The following CAMK2D variants were observed in gnomAD, a reference collection of about 807,000 sequenced individuals.
CAMK2D encodes calcium/calmodulin-dependent protein kinase type II subunit delta.
Under a neutral mutation model 84.0 loss-of-function variants are expected in CAMK2D, and 37 were observed. That is an observed-to-expected ratio of 0.44 (90% CI 0.34 to 0.58). The LOEUF (loss-of-function observed/expected upper bound fraction) is 0.58, where lower values mean the gene tolerates loss of function less well. Among genes scored for constraint, CAMK2D ranks in the 20% least tolerant of loss-of-function variants. CAMK2D has a pLI of 0.02. For missense variants in CAMK2D, 448 were observed against 652.5 expected (o/e 0.69, Z 3.41); for synonymous variants, 202 against 212.5 (o/e 0.95, Z 0.43).
chr4:113,565,399 C>A (rs953255888), intron 4 of CAMK2D, among the ~76,000 whole-genome samples: 1 of 152,106 alleles, frequency 6.6e-6, no homozygotes, highest in African/African-American at 2.4e-5. Flanking sequence ...GCCTGTAATC[C>A]CAGCACTTTG....
At chr4:113,508,106 T>C (rs1321149545) in intron 13 of CAMK2D, 4 of 652,240 alleles carry the variant, frequency 6.1e-6, no homozygotes, top group Non-Finnish European at 1.1e-5. Flanking sequence ...CGTGTTTTGA[T>C]AGTTGACTAA....
chr4:113,640,310 C>T (rs938121996), intron 3 of CAMK2D, among the ~76,000 whole-genome samples: 1 of 151,946 alleles, frequency 6.6e-6, no homozygotes, highest in Non-Finnish European at 1.5e-5. Context: ...GAATGAAATG[C>T]CCTGCGTAGA....
intron 20 of CAMK2D, among the ~76,000 whole-genome samples, chr4:113,455,097 A>G (rs1305089926): frequency 6.6e-6 from 1 of 152,238 alleles, no homozygotes; most frequent in African/African-American, 2.4e-5. Flanking sequence ...TATTCACAAC[A>G]GCACCATACA....
At chr4:113,580,217 T>G (rs1357820700) in intron 4 of CAMK2D, among the ~76,000 whole-genome samples, 1 of 152,242 alleles carries the variant, frequency 6.6e-6, no homozygotes, top group Non-Finnish European at 1.5e-5. Context: ...ACATGTTTGA[T>G]GTGCATGAAT....
At chr4:113,607,571 G>A (rs2154265568) in intron 4 of CAMK2D, among the ~76,000 whole-genome samples, 1 of 151,934 alleles carries the variant, frequency 6.6e-6, no homozygotes, top group African/African-American at 2.4e-5. Context: ...TCCTTCTCCT[G>A]GACAATGAGT....
At chr4:113,683,312 A>G (rs888354127) in intron 2 of CAMK2D, among the ~76,000 whole-genome samples, 2 of 152,190 alleles carry the variant, frequency 1.3e-5, no homozygotes, top group Admixed American at 6.5e-5. Context: ...CCTGCACAGG[A>G]AACTGTGACT....
At chr4:113,552,160 T>A (rs1473608297) in intron 4 of CAMK2D, 64 bp from the exon 5 acceptor site, 2 of 882,570 alleles carry the variant, frequency 2.3e-6, no homozygotes, top group Admixed American at 4.1e-5. Context: ...ATCAATAGAT[T>A]TGCAAATGTG....
intron 2 of CAMK2D, among the ~76,000 whole-genome samples, chr4:113,712,275 T>G (rs1332521293): frequency 1.3e-5 from 2 of 152,136 alleles, no homozygotes; most frequent in Non-Finnish European, 2.9e-5. Flanking sequence ...CAAAAATGTG[T>G]CCAAGAATGA....
intron 2 of CAMK2D, among the ~76,000 whole-genome samples, chr4:113,757,822 C>T (rs2099631975): frequency 6.6e-6 from 1 of 151,956 alleles, no homozygotes; most frequent in African/African-American, 2.4e-5. Context: ...TGTATGTGAC[C>T]AGGGATAAGT....
At chr4:113,585,060 C>T (rs1170257559) in intron 4 of CAMK2D, among the ~76,000 whole-genome samples, 1 of 152,126 alleles carries the variant, frequency 6.6e-6, no homozygotes, top group Non-Finnish European at 1.5e-5. Context: ...TAACTAGAGA[C>T]TTCTCAGCTT....
intron 3 of CAMK2D, among the ~76,000 whole-genome samples, chr4:113,649,512 A>G (rs1287016414): frequency 1.3e-5 from 2 of 152,294 alleles, no homozygotes; most frequent in African/African-American, 4.8e-5. Context: ...CTTCAGTCCA[A>G]TCCCTACAAC....
At chr4:113,565,678 A>C (rs953064193) in intron 4 of CAMK2D, among the ~76,000 whole-genome samples, 5 of 125,144 alleles carry the variant, frequency 4.0e-5, no homozygotes, top group East Asian at 2.4e-4. Flanking sequence ...AAGTCACACA[A>C]AAAAAACGAA....
chr4:113,586,285 G>T (rs1472961634), intron 4 of CAMK2D, among the ~76,000 whole-genome samples: 1 of 152,090 alleles, frequency 6.6e-6, no homozygotes, highest in Non-Finnish European at 1.5e-5. Flanking sequence ...TGTAAGCCTG[G>T]AACTGCTGGA....
chr4:113,544,491 A>G (rs1169925590), intron 6 of CAMK2D, among the ~76,000 whole-genome samples: 1 of 152,188 alleles, frequency 6.6e-6, no homozygotes, highest in Non-Finnish European at 1.5e-5. Context: ...GGCACCAATC[A>G]TATTTTACTA....
At chr4:113,536,670 ATAAT>A (rs2098493874) in intron 7 of CAMK2D, among the ~76,000 whole-genome samples, 1 of 152,186 alleles carries the variant, frequency 6.6e-6, no homozygotes, top group Non-Finnish European at 1.5e-5. Flanking sequence ...TAATGAGTAA[ATAAT>A]TTATTCAGAC....
intron 18 of CAMK2D, among the ~76,000 whole-genome samples, chr4:113,459,275 G>A (rs1188896859): frequency 2.0e-5 from 3 of 152,240 alleles, no homozygotes; most frequent in Admixed American, 1.3e-4. Context: ...CAGGAGTCCA[G>A]TGGCATGATT....
intron 4 of CAMK2D, among the ~76,000 whole-genome samples, chr4:113,603,674 A>G (rs1394247359): frequency 1.4e-5 from 2 of 148,134 alleles, no homozygotes; most frequent in Non-Finnish European, 3.0e-5. Flanking sequence ...AAAATATATA[A>G]ATTTAAAATA....
rs1357833523 is a variant in CAMK2D, at chr4:113,460,137, A to T, written c.1306+10T>A. The T allele has an allele frequency of 6.8e-7, 1 of 1,464,980 alleles. No homozygotes were observed. The highest frequency in any genetic ancestry group is 1.4e-5 in the African/African-American group (1 of 72,056). The allele number at this position is 1,464,980 out of a possible 1,614,324, so 90.7% of individuals were successfully genotyped here. ...AAAAGGGCATGTTATTAAATTAGGA[A>T]TAAATGTACCATTTTCAAAGTAGAA... On this transcript the variant is annotated intron_variant, in intron 18 of 20. Transcript: ENST00000511664.
intron 16 of CAMK2D, among the ~76,000 whole-genome samples, chr4:113,497,469 G>A (rs183895147): frequency 6.6e-6 from 1 of 152,176 alleles, no homozygotes; most frequent in East Asian, 1.9e-4. Context: ...GCTTTCTAAG[G>A]TGCTCCAGAC....
Sources: gnomAD v4.1 joint callset for allele counts (sites outside exome capture counted in the v4.1 genomes callset) on GRCh38, gnomAD v4.1.1 for gene constraint, MANE v1.5 for transcripts, NCBI Gene and HGNC (gene_info 2026-07-23, HGNC 2026-07-21) for gene names.